Variants in OPA1 observed in about 807,000 individuals in gnomAD.
OPA1 encodes the protein dynamin-like GTPase OPA1, mitochondrial.
A neutral mutation model predicts 152.9 loss-of-function variants in OPA1; 59 were observed. That is an observed-to-expected ratio of 0.39 (90% confidence interval 0.31 to 0.48). The LOEUF (loss-of-function observed/expected upper bound fraction) is 0.48, where lower values mean the gene tolerates loss of function less well. Ranked by LOEUF, OPA1 falls within the 20% of genes least tolerant of loss-of-function variation. OPA1 has a pLI of 0.96. For synonymous variants in OPA1, 400 were observed against 389.9 expected (o/e 1.03, Z -0.31); for missense variants, 1,008 against 1,216.8 (o/e 0.83, Z 2.55).
In OPA1 at chr3:193,668,762, C is replaced by T. The variant is rs538476421; in HGVS notation, c.2983+1482C>T. 144 of 1,239,910 alleles carry T rather than the reference C, an allele frequency of 1.2e-4. 1 individual carries two copies. In the Admixed American group the frequency reaches 1.4e-3, roughly 12 times the overall value. The allele number at this position is 1,239,910 out of a possible 1,614,324, so 76.8% of individuals were successfully genotyped here. A position where few individuals can be genotyped will look rare whatever the true frequency, so the allele number is the denominator to read the frequency against. ...CCCTTCCCACCCCCCTAGCTTGGCC[C>T]TACTAATAATCACTTTGTCACTGTT... On this transcript the variant is annotated intron_variant, in intron 29 of 30. Transcript: ENST00000361510.
At chr3:193,610,047 T>G (rs1230368486) in intron 1 of OPA1, among the ~76,000 whole-genome samples, 1 of 152,242 alleles carries the variant, frequency 6.6e-6, no homozygotes, top group Non-Finnish European at 1.5e-5. Flanking sequence ...GTCAAAGTCA[T>G]TCTCTGTCCA....
rs747110767 is a variant in OPA1 at position 193,643,367 on chromosome 3, G to A, written c.1306-6G>A. On this transcript the variant is annotated splice_polypyrimidine_tract_variant and splice_region_variant and intron_variant, in intron 13 of 30. Coordinates refer to ENST00000361510, the MANE Select transcript of OPA1 (RefSeq NM_130837.3). ...GCATTGTTTTATTTTTATTTTTCCT[G>A]AGTAGACCATATCCTTAAATGTAAA... is the stretch of plus-strand genomic sequence containing the variant. The A allele has an allele frequency of 1.2e-6, 2 of 1,601,858 alleles. No homozygotes were observed. Among genetic ancestry groups the A allele is most frequent in the South Asian group, 1.1e-5 (1 of 90,732 alleles).
At chr3:193,654,767 TAC>T in intron 21 of OPA1, 93 bp from the exon 22 acceptor site, 9 of 1,292,120 alleles carry the variant, frequency 7.0e-6, no homozygotes, top group South Asian at 3.9e-5. Context: ...TTTAAATATG[TAC>T]AGTTTATTAT....
chr3:193,637,092 G>T, intron 9 of OPA1, 103 bp from the exon 10 acceptor site: 1 of 636,862 alleles, frequency 1.6e-6, no homozygotes, highest in East Asian at 2.9e-5. Flanking sequence ...CAATGATTAT[G>T]GAAAAACAAT....
chr3:193,679,425 A>C (rs972988235), intron 29 of OPA1, among the ~76,000 whole-genome samples: 7 of 152,006 alleles, frequency 4.6e-5, no homozygotes, highest in African/African-American at 1.7e-4. Flanking sequence ...GTAGTGCTTT[A>C]TTTTACAGTT....
chr3:193,612,985 T>A (rs1560324400), intron 1 of OPA1, among the ~76,000 whole-genome samples: 1 of 152,238 alleles, frequency 6.6e-6, no homozygotes, highest in Non-Finnish European at 1.5e-5. Flanking sequence ...CCTCAGTGGG[T>A]ACCTCACCAG....
chr3:193,618,758 G>C (rs1729490830), intron 5 of OPA1, 111 bp from the exon 6 acceptor site: 1 of 836,732 alleles, frequency 1.2e-6, no homozygotes, highest in Non-Finnish European at 2.1e-6. Context: ...CTTTGAATCT[G>C]AGTTGCTCTA....
At chr3:193,656,275 G>T (rs901899200) in intron 22 of OPA1, among the ~76,000 whole-genome samples, 6 of 152,108 alleles carry the variant, frequency 3.9e-5, no homozygotes, top group African/African-American at 1.4e-4. Context: ...AAAGAATGTA[G>T]ATCTGGTGAG....
intron 29 of OPA1, among the ~76,000 whole-genome samples, chr3:193,690,027 A>G (rs567193755): frequency 7.2e-5 from 11 of 152,056 alleles, no homozygotes; most frequent in South Asian, 2.1e-4. Context: ...AAAAAAAAAA[A>G]ATAGGTTAAG....
In OPA1 at chr3:193,694,891, T is replaced by C. The variant is rs573419344; in HGVS notation, c.*291T>C. 5 of 152,334 alleles carry C rather than the reference T, an allele frequency of 3.3e-5. No individual in the cohort carries two copies. The highest frequency in any genetic ancestry group is 3.3e-4 in the Admixed American group (5 of 15,294). 9.4% of individuals were successfully genotyped at this position (152,334 alleles called of 1,614,324 possible). A position where few individuals can be genotyped will look rare whatever the true frequency, so the allele number is the denominator to read the frequency against. On this transcript the variant is annotated 3_prime_UTR_variant, in exon 31 of 31. Coordinates refer to ENST00000361510, the MANE Select transcript of OPA1 (RefSeq NM_130837.3). ...GTCCTTGAAGATAAGAAACTTGTTC[T>C]CTGTTTGTTGTCTTATTTGTGGTGG...
chr3:193,662,862 T>C lies in OPA1; in HGVS notation c.2561T>C (p.Leu854Ser). Residue 854 changes from leucine to serine, a missense_variant, in exon 26 of 31, where the codon TTG becomes TCG. This residue lies in a region of OPA1 where 229 missense variants were observed against 269.0 expected (regional missense o/e 0.85). Transcript: ENST00000361510. Reference protein sequence around the residue: ...NETKNELEKMLKCNEEHPAYL... With the variant: ...NETKNELEKMSKCNEEHPAYL... ...ACCAAGAATGAATTGGAGAAGATGTTGAAATGTAATGAGGAGCACCCAGCT... is the reference window on the plus strand; with the variant it reads ...ACCAAGAATGAATTGGAGAAGATGTCGAAATGTAATGAGGAGCACCCAGCT... The C allele has an allele frequency of 6.2e-7, 1 of 1,613,390 alleles. No homozygotes were observed. Among genetic ancestry groups the C allele is most frequent in the East Asian group, 2.2e-5 (1 of 44,846 alleles).
At position 193,606,217 on chromosome 3, in the gene OPA1, G is replaced by T. The variant is rs373744377; in HGVS notation, c.33-8506G>T. On this transcript the variant is annotated intron_variant, in intron 1 of 30. Coordinates refer to ENST00000361510, the MANE Select transcript of OPA1 (RefSeq NM_130837.3). ...TTCTTGTTCTGGGACCTCTTGATTTGATTTTTTTAATATATAATTTTAAAA... is the reference window on the plus strand; with the variant it reads ...TTCTTGTTCTGGGACCTCTTGATTTTATTTTTTTAATATATAATTTTAAAA... Among the ~76,000 whole-genome samples the T allele has an allele frequency of 3.9e-5, 6 of 152,064 alleles. 1 individual carries two copies. Among genetic ancestry groups the T allele is most frequent in the African/African-American group, 9.6e-5 (4 of 41,480 alleles).
At chr3:193,688,797 A>G (rs1217945271) in intron 29 of OPA1, among the ~76,000 whole-genome samples, 7 of 152,084 alleles carry the variant, frequency 4.6e-5, no homozygotes, top group Admixed American at 3.9e-4. Context: ...CCTGGGCAAC[A>G]TAGTGAGACC....
chr3:193,664,984 T>C lies in OPA1; in HGVS notation c.2766T>C (p.Phe922=). 6.4e-7 allele frequency: 1 copy of C among 1,565,328 alleles called. No homozygotes were observed. Among genetic ancestry groups the C allele is most frequent in the Non-Finnish European group, 8.8e-7 (1 of 1,136,126 alleles). ...GTTTTTATTACTACCAAAGGCATTT[T>C]GTAGATTCTGAGGTAAGGTTTCCAA... ...RRGFYYYQRH[F]VDSELECNDV... Residue 922 remains phenylalanine (F), a synonymous_variant, in exon 27 of 31, where the codon TTT becomes TTC. Transcript: ENST00000361510.
chr3:193,692,184 C>G (rs1227966083), intron 30 of OPA1, 52 bp downstream of exon 30: 2 of 945,888 alleles, frequency 2.1e-6, no homozygotes, highest in East Asian at 2.6e-5. Context: ...CAAAATTACA[C>G]TTTTCTTAAT....
intron 19 of OPA1, 127 bp downstream of exon 19, chr3:193,647,307 G>A: frequency 4.4e-6 from 3 of 685,630 alleles, no homozygotes; most frequent in Admixed American, 2.2e-5. Context: ...CAATTAGACA[G>A]TATCTGGAAA....
At chr3:193,648,774 A>C in intron 20 of OPA1, 21 bp from the exon 21 acceptor site, 1 of 1,453,774 alleles carries the variant, frequency 6.9e-7, no homozygotes, top group Non-Finnish European at 9.7e-7. Context: ...AATCTTACTT[A>C]CTTGTATTTA....
At chr3:193,679,845 A>T (rs550904261) in intron 29 of OPA1, among the ~76,000 whole-genome samples, 1 of 152,226 alleles carries the variant, frequency 6.6e-6, no homozygotes, top group African/African-American at 2.4e-5. Flanking sequence ...TGATTGTTCA[A>T]TAGAAAAGAA....
intron 21 of OPA1, among the ~76,000 whole-genome samples, chr3:193,651,043 C>T (rs1270354975): frequency 1.3e-5 from 2 of 151,890 alleles, no homozygotes; most frequent in East Asian, 1.9e-4. Flanking sequence ...ACAAGAAAGG[C>T]GACACAGGTA....
Sources: allele counts gnomAD v4.1 joint callset (sites outside exome capture counted in the v4.1 genomes callset), GRCh38; gene constraint gnomAD v4.1.1; regional missense constraint gnomAD v4.1.1; transcripts MANE v1.5; gene names NCBI Gene and HGNC (gene_info 2026-07-23, HGNC 2026-07-21).